The following DCC variants were observed in gnomAD, a reference collection of about 807,000 sequenced individuals.
DCC encodes netrin receptor DCC.
DCC carries 58 observed loss-of-function variants against 172.5 expected under a neutral mutation model. The ratio of observed to expected loss-of-function variants is 0.34; its 90% CI spans 0.27 to 0.42. The LOEUF (loss-of-function observed/expected upper bound fraction) is 0.42. Among genes scored for constraint, DCC ranks in the 10% least tolerant of loss-of-function variants. The pLI, the probability that DCC is intolerant of heterozygous loss-of-function variation, is 1.00. For missense variants in DCC, 1,740 were observed against 1,791.0 expected, an observed-to-expected ratio of 0.97 and a Z score of 0.51; for synonymous variants, 709 against 644.5, an observed-to-expected ratio of 1.10 and a Z score of -1.52.
At chr18:52,963,828 G>GT (rs199927780) in intron 5 of DCC, among the ~76,000 whole-genome samples, 2,408 of 145,512 alleles carry the variant, frequency 0.017, 42 homozygotes, top group Middle Eastern at 0.067. Context: ...ATTATCTCTA[G>GT]TTTTTTTTTT....
chr18:52,517,223 AATT>A (rs1440803633), intron 1 of DCC, among the ~76,000 whole-genome samples: 1 of 152,202 alleles, frequency 6.6e-6, no homozygotes, highest in Non-Finnish European at 1.5e-5. Context: ...TTCTAGATGA[AATT>A]ATTATTATAA....
intron 12 of DCC, among the ~76,000 whole-genome samples, chr18:53,234,553 GA>G (rs1188437329): frequency 6.6e-6 from 1 of 152,146 alleles, no homozygotes; most frequent in Non-Finnish European, 1.5e-5. Flanking sequence ...TAGGCCCTGT[GA>G]AAACCCTCAC....
rs537047166 is a variant in DCC at position 53,065,049 on chromosome 18, G to C, written c.1141-997G>C. The stretch of plus-strand genomic sequence containing the variant: ...TATTGCCCGATTTGCATTAAATTGT[G>C]CTTAAAAATATTTCCTCAACAGCTC... On this transcript the variant is annotated intron_variant, in intron 6 of 28. Coordinates refer to ENST00000442544, the MANE Select transcript of DCC (RefSeq NM_005215.4). Among the ~76,000 whole-genome samples, 5 of 152,232 alleles carry C rather than the reference G, an allele frequency of 3.3e-5. No homozygotes were observed. The South Asian group carries it at 8.3e-4, about 25-fold the overall frequency.
chr18:53,085,395 C>G (rs370731572), intron 7 of DCC, among the ~76,000 whole-genome samples: 1 of 151,958 alleles, frequency 6.6e-6, no homozygotes, highest in African/African-American at 2.4e-5. Flanking sequence ...TTCCTTAGCA[C>G]AGAGAAATGT....
In DCC at chr18:53,486,905, T is replaced by C; in HGVS notation, c.3845T>C (p.Val1282Ala). The change falls in exon 26 of 29, where the codon GTG becomes GCG. Residue 1282 changes from valine (V) to alanine (A), a missense_variant. Val to Ala is a moderately conservative substitution (Grantham distance 64). Coordinates refer to ENST00000442544, the MANE Select transcript of DCC (RefSeq NM_005215.4). ...CACCCGCAGTTCACTCTCCGGCCTGTGCCATTCCCAACACTCTCAGTGGAC... is the reference window on the plus strand; with the variant it reads ...CACCCGCAGTTCACTCTCCGGCCTGCGCCATTCCCAACACTCTCAGTGGAC... ...YPHPQFTLRP[V>A]PFPTLSVDRG... The C allele has an allele frequency of 6.2e-7, 1 of 1,614,196 alleles. No individual in the cohort carries two copies. The highest frequency in any genetic ancestry group is 8.5e-7 in the Non-Finnish European group (1 of 1,180,044).
intron 1 of DCC, among the ~76,000 whole-genome samples, chr18:52,584,408 AAGAGAG>A (rs368208850): frequency 3.3e-5 from 5 of 151,380 alleles, no homozygotes; most frequent in Non-Finnish European, 7.4e-5. Context: ...GAGAAAGAGA[AAGAGAG>A]AGAGAGAGAG....
intron 5 of DCC, among the ~76,000 whole-genome samples, chr18:52,935,837 T>C (rs2040373340): frequency 6.6e-6 from 1 of 152,156 alleles, no homozygotes; most frequent in South Asian, 2.1e-4. Flanking sequence ...GTGTAATTCT[T>C]ATTTTGAATG....
rs149523281 is a variant in DCC, at chr18:53,131,874, G to C, written c.1262-25482G>C. Among the ~76,000 whole-genome samples the C allele has an allele frequency of 3.3e-5, 5 of 149,898 alleles. No individual in the cohort carries two copies. The South Asian group carries it at 1.1e-3, about 32-fold the overall frequency. ...TTTGTCTTGGTCTTAAAAATAAATC[G>C]GTGCAAATCAAAATGGATGATTTAA... On this transcript the variant is annotated intron_variant, in intron 7 of 28. Transcript: ENST00000442544.
chr18:53,295,734 A>C (rs2057058652), intron 12 of DCC, among the ~76,000 whole-genome samples: 1 of 152,142 alleles, frequency 6.6e-6, no homozygotes, highest in Non-Finnish European at 1.5e-5. Context: ...AGGTAAGTCC[A>C]GTGTTTTGTT....
At chr18:53,153,390 G>T (rs888098394) in intron 7 of DCC, among the ~76,000 whole-genome samples, 6 of 151,930 alleles carry the variant, frequency 3.9e-5, no homozygotes, top group African/African-American at 7.3e-5. Flanking sequence ...AGAATATCTG[G>T]CCTGATGCTA....
At chr18:52,630,887 C>G (rs1242514448) in intron 1 of DCC, among the ~76,000 whole-genome samples, 3 of 152,160 alleles carry the variant, frequency 2.0e-5, no homozygotes, top group Admixed American at 2.0e-4. Flanking sequence ...TCCAGGTGCC[C>G]TTTGAGAGGA....
chr18:53,234,190 C>A lies in DCC; in HGVS notation c.1911+18593C>A, dbSNP rs372007903. Among the ~76,000 whole-genome samples, 3 of 152,124 alleles carry A rather than the reference C, an allele frequency of 2.0e-5. No individual in the cohort carries two copies. The East Asian group carries it at 5.8e-4, about 29-fold the overall frequency. On this transcript the variant is annotated intron_variant, in intron 12 of 28. Coordinates refer to ENST00000442544, the MANE Select transcript of DCC (RefSeq NM_005215.4). ...GCTTGAACCTGGGAGGCGGAGGTTGCAGTGAACTGAAATCGCACCATCGCA... is the reference window on the plus strand; with the variant it reads ...GCTTGAACCTGGGAGGCGGAGGTTGAAGTGAACTGAAATCGCACCATCGCA...
chr18:52,688,619 GAGT>G (rs2035880186), intron 1 of DCC, among the ~76,000 whole-genome samples: 1 of 152,012 alleles, frequency 6.6e-6, no homozygotes, highest in African/African-American at 2.4e-5. Flanking sequence ...AATGCTAAAT[GAGT>G]AGGTTTTAGC....
At chr18:53,088,790 A>C (rs1476533823) in intron 7 of DCC, among the ~76,000 whole-genome samples, 1 of 152,174 alleles carries the variant, frequency 6.6e-6, no homozygotes. Flanking sequence ...ATTCCCAGCA[A>C]TGATTTTCTA....
At chr18:53,058,689 A>C (rs1328061630) in intron 5 of DCC, among the ~76,000 whole-genome samples, 2 of 152,162 alleles carry the variant, frequency 1.3e-5, no homozygotes, top group African/African-American at 4.8e-5. Flanking sequence ...ATCATCAAAA[A>C]TATATTCAGT....
chr18:53,304,934 G>A (rs189149743), intron 12 of DCC, among the ~76,000 whole-genome samples: 21 of 152,260 alleles, frequency 1.4e-4, no homozygotes, highest in African/African-American at 3.4e-4. Flanking sequence ...GGAGGGACCC[G>A]TTGGGAGGTA....
At chr18:53,023,349 TA>T (rs148950349) in intron 5 of DCC, among the ~76,000 whole-genome samples, 17,599 of 62,834 alleles carry the variant, frequency 0.28, 1,412 homozygotes, top group East Asian at 0.45. Flanking sequence ...AAAAAAAACA[TA>T]AAAAAAATAA....
intron 12 of DCC, among the ~76,000 whole-genome samples, chr18:53,280,350 A>G (rs2144726677): frequency 6.6e-6 from 1 of 152,036 alleles, no homozygotes; most frequent in East Asian, 1.9e-4. Flanking sequence ...TGTAGGTTTT[A>G]TTGTTGATGT....
intron 2 of DCC, among the ~76,000 whole-genome samples, chr18:52,805,629 C>T (rs1160999319): frequency 6.6e-6 from 1 of 152,128 alleles, no homozygotes; most frequent in Non-Finnish European, 1.5e-5. Flanking sequence ...TTTACATTAC[C>T]TTGATTTAAA....
Sources: gnomAD v4.1 joint callset for allele counts (sites outside exome capture counted in the v4.1 genomes callset) on GRCh38, gnomAD v4.1.1 for gene constraint, MANE v1.5 for transcripts, NCBI Gene and HGNC (gene_info 2026-07-23, HGNC 2026-07-21) for gene names.